SLC4A10: variants seen among roughly 807,000 people sequenced by gnomAD.
SLC4A10 encodes the protein solute carrier family 4 member 10, also known as sodium-driven chloride bicarbonate exchanger.
Under a neutral mutation model 137.7 loss-of-function variants are expected in SLC4A10, and 42 were observed. The observed-to-expected ratio is 0.30, with a 90% CI of 0.24 to 0.39. SLC4A10 has a LOEUF of 0.39. Among genes scored for constraint, SLC4A10 ranks in the 10% least tolerant of loss-of-function variants. SLC4A10 has a pLI of 1.00. For missense variants in SLC4A10, 925 were observed against 1,355.0 expected (o/e 0.68, Z 4.98); for synonymous variants, 474 against 464.1 (o/e 1.02, Z -0.27).
intron 3 of SLC4A10, among the ~76,000 whole-genome samples, chr2:161,831,717 C>T (rs150733841): frequency 1.0e-3 from 157 of 151,942 alleles, no homozygotes; most frequent in African/African-American, 3.6e-3. Context: ...TTCTTTTTTC[C>T]CCCCTCAAAG....
At chr2:161,975,274 G>GTAT (rs1392091677) in intron 24 of SLC4A10, among the ~76,000 whole-genome samples, 1 of 151,992 alleles carries the variant, frequency 6.6e-6, no homozygotes, top group Non-Finnish European at 1.5e-5. Flanking sequence ...ATTTCCAAGT[G>GTAT]TATTAGGTAG....
At chr2:161,750,073 A>G (rs578145826) in intron 1 of SLC4A10, among the ~76,000 whole-genome samples, 2 of 151,312 alleles carry the variant, frequency 1.3e-5, no homozygotes, top group African/African-American at 2.4e-5. Context: ...GATCCTTTTT[A>G]TTTCTGAGGT....
chr2:161,676,693 T>A (rs1365789146), intron 1 of SLC4A10, among the ~76,000 whole-genome samples: 1 of 152,180 alleles, frequency 6.6e-6, no homozygotes, highest in African/African-American at 2.4e-5. Context: ...TATATATCTA[T>A]ATGTTGAAAA....
chr2:161,907,058 A>G, intron 15 of SLC4A10, among the ~76,000 whole-genome samples: 1 of 68,144 alleles, frequency 1.5e-5, no homozygotes, highest in East Asian at 2.0e-4. Context: ...TCCGTCTCAA[A>G]AAAAAAAAAA....
intron 1 of SLC4A10, among the ~76,000 whole-genome samples, chr2:161,647,876 A>C (rs185294643): frequency 1.3e-5 from 2 of 152,338 alleles, no homozygotes; most frequent in Admixed American, 1.3e-4. Flanking sequence ...AGTCTCAATG[A>C]CCACTTTTTC....
At chr2:161,977,309 C>G (rs1276323689) in intron 25 of SLC4A10, 7 of 450,698 alleles carry the variant, frequency 1.6e-5, no homozygotes, top group Non-Finnish European at 3.1e-5. Flanking sequence ...AGTTCTAGTC[C>G]TGACTCCAAC....
chr2:161,912,618 G>A (rs1184579789), intron 15 of SLC4A10, among the ~76,000 whole-genome samples: 1 of 152,000 alleles, frequency 6.6e-6, no homozygotes, highest in Non-Finnish European at 1.5e-5. Flanking sequence ...GGAGTGGTCA[G>A]CTAGCATTAA....
intron 3 of SLC4A10, among the ~76,000 whole-genome samples, chr2:161,832,486 A>T (rs2058493681): frequency 6.6e-6 from 1 of 152,216 alleles, no homozygotes. Context: ...CTTGTGGACC[A>T]AATTGTCTAG....
rs1315350331 is a variant in SLC4A10 at position 161,873,974 on chromosome 2, A to C, written c.917A>C (p.Glu306Ala). The C allele has an allele frequency of 6.3e-7, 1 of 1,593,478 alleles. No homozygotes were observed. Among genetic ancestry groups the C allele is most frequent in the Non-Finnish European group, 8.5e-7 (1 of 1,177,394 alleles). ...CCATGTGGGATGAAACAAAGGCATG[A>C]AAAAGGACCTCCACACCAGCAAGAG... ...TSPCGMKQRH[E>A]KGPPHQQERE... Residue 306 changes from glutamate (E) to alanine (A), a missense_variant, in exon 8 of 27, where the codon GAA (glutamate) becomes GCA (alanine). By Grantham distance (107) the Glu-to-Ala change is moderately radical. Transcript: ENST00000446997.
At chr2:161,929,479 G>A (rs919612257) in intron 15 of SLC4A10, among the ~76,000 whole-genome samples, 1 of 152,174 alleles carries the variant, frequency 6.6e-6, no homozygotes, top group Admixed American at 6.5e-5. Flanking sequence ...AGACTTTAGA[G>A]AGCATATGGC....
In SLC4A10 at chr2:161,636,444, G is replaced by T. The variant is rs141419146; in HGVS notation, c.48+11878G>T. On this transcript the variant is annotated intron_variant, in intron 1 of 26. Coordinates refer to ENST00000446997, the MANE Select transcript of SLC4A10 (RefSeq NM_001178015.2). ...AGTTTCATTCTTGTTGCCCGGGCTG[G>T]AGTGCAGTGGCACGGTCTCAGCTCA... Among the ~76,000 whole-genome samples the T allele has an allele frequency of 2.6e-5, 4 of 152,126 alleles. No individual in the cohort carries two copies. The East Asian group carries it at 7.7e-4, about 29-fold the overall frequency.
chr2:161,955,428 G>A (rs1695482838), intron 19 of SLC4A10, among the ~76,000 whole-genome samples: 1 of 152,142 alleles, frequency 6.6e-6, no homozygotes, highest in African/African-American at 2.4e-5. Context: ...GCAAAGAAAA[G>A]TTTCCAGAGT....
At chr2:161,687,008 G>A (rs1009682817) in intron 1 of SLC4A10, among the ~76,000 whole-genome samples, 4 of 151,224 alleles carry the variant, frequency 2.6e-5, no homozygotes, top group Non-Finnish European at 5.9e-5. Context: ...TCAGCCTCCC[G>A]AGTAGCTGGA....
chr2:161,734,710 C>T (rs1217735639), intron 1 of SLC4A10, among the ~76,000 whole-genome samples: 1 of 151,968 alleles, frequency 6.6e-6, no homozygotes. Flanking sequence ...TTACCAAAAA[C>T]ATATCTTGTT....
At chr2:161,920,490 A>G (rs1280817848) in intron 15 of SLC4A10, among the ~76,000 whole-genome samples, 1 of 152,238 alleles carries the variant, frequency 6.6e-6, no homozygotes, top group East Asian at 1.9e-4. Context: ...TTAAAGGACA[A>G]AATAAAGGGT....
At chr2:161,689,223 G>A (rs1020607905) in intron 1 of SLC4A10, among the ~76,000 whole-genome samples, 1 of 151,994 alleles carries the variant, frequency 6.6e-6, no homozygotes, top group Non-Finnish European at 1.5e-5. Context: ...TGTATCGTAC[G>A]GTGTTTATGA....
At chr2:161,792,235 A>G (rs1449277512) in intron 2 of SLC4A10, among the ~76,000 whole-genome samples, 1 of 152,182 alleles carries the variant, frequency 6.6e-6, no homozygotes, top group Non-Finnish European at 1.5e-5. Context: ...CAGAGAAAAA[A>G]TGGATGAAAA....
intron 1 of SLC4A10, among the ~76,000 whole-genome samples, chr2:161,706,111 G>C (rs1422244853): frequency 1.1e-4 from 16 of 151,432 alleles, no homozygotes; most frequent in Non-Finnish European, 4.4e-5. Flanking sequence ...GGATTAAATA[G>C]ATCTTATCAA....
intron 3 of SLC4A10, among the ~76,000 whole-genome samples, chr2:161,814,014 T>A (rs1469847690): frequency 6.6e-6 from 1 of 152,006 alleles, no homozygotes; most frequent in Non-Finnish European, 1.5e-5. Context: ...TTCTGGAAAC[T>A]TTGCTATTTA....
Sources: gnomAD v4.1 joint callset for allele counts (sites outside exome capture counted in the v4.1 genomes callset) on GRCh38, gnomAD v4.1.1 for gene constraint, MANE v1.5 for transcripts, NCBI Gene and HGNC (gene_info 2026-07-23, HGNC 2026-07-21) for gene names.